KIF26B: variants seen among roughly 807,000 people sequenced by gnomAD.
The protein encoded by KIF26B is kinesin-like protein KIF26B.
Under a neutral mutation model 151.2 loss-of-function variants are expected in KIF26B, and 63 were observed. The ratio of observed to expected loss-of-function variants is 0.42; its 90% confidence interval spans 0.34 to 0.51. The LOEUF (loss-of-function observed/expected upper bound fraction) is 0.51, where lower values mean the gene tolerates loss of function less well. Ranked by LOEUF, KIF26B falls within the 20% of genes least tolerant of loss-of-function variation. The pLI is 0.07. For synonymous variants in KIF26B, 1,357 were observed against 1,262.1 expected (o/e 1.08, Z -1.59); for missense variants, 2,813 against 2,913.6 (o/e 0.97, Z 0.79).
At chr1:245,275,162 C>G (rs931825407) in intron 2 of KIF26B, among the ~76,000 whole-genome samples, 6 of 152,120 alleles carry the variant, frequency 3.9e-5, no homozygotes, top group Non-Finnish European at 7.4e-5. Context: ...CCTTTGCCCA[C>G]TTTTTGATGG....
At chr1:245,632,259 G>T (rs2043788828) in intron 9 of KIF26B, among the ~76,000 whole-genome samples, 1 of 152,110 alleles carries the variant, frequency 6.6e-6, no homozygotes, top group Non-Finnish European at 1.5e-5. Context: ...TAAGAAAAAA[G>T]ATTTTATTTC....
intron 2 of KIF26B, among the ~76,000 whole-genome samples, chr1:245,309,410 G>A (rs1444044444): frequency 6.6e-6 from 1 of 152,018 alleles, no homozygotes. Context: ...CTGACTGCTC[G>A]ATCTGGGACA....
At chr1:245,245,783 C>T (rs978551267) in intron 2 of KIF26B, among the ~76,000 whole-genome samples, 121 of 152,128 alleles carry the variant, frequency 8.0e-4, no homozygotes, top group African/African-American at 2.6e-3. Context: ...ACAAAAAAGC[C>T]GGGCGTGGTG....
intron 5 of KIF26B, among the ~76,000 whole-genome samples, chr1:245,570,586 C>G (rs1159494907): frequency 1.3e-5 from 2 of 152,204 alleles, no homozygotes; most frequent in African/African-American, 4.8e-5. Context: ...GGGTTGTGGG[C>G]ACAGAGGCAG....
chr1:245,269,712 C>A (rs986908813), intron 2 of KIF26B, among the ~76,000 whole-genome samples: 1 of 152,136 alleles, frequency 6.6e-6, no homozygotes, highest in Non-Finnish European at 1.5e-5. Context: ...ATCCATCCAC[C>A]TTGGCCTCCC....
intron 4 of KIF26B, among the ~76,000 whole-genome samples, chr1:245,513,833 C>T (rs1558194599): frequency 6.6e-6 from 1 of 152,314 alleles, no homozygotes; most frequent in East Asian, 1.9e-4. Context: ...TTTGTCTGAG[C>T]TAATTGGCCT....
chr1:245,647,298 A>C (rs1339251271), intron 10 of KIF26B, among the ~76,000 whole-genome samples: 1 of 151,442 alleles, frequency 6.6e-6, no homozygotes, highest in Non-Finnish European at 1.5e-5. Flanking sequence ...GGTGGTGGGC[A>C]CCTGTAGTCC....
At chr1:245,579,852 G>GA (rs113159653) in intron 5 of KIF26B, among the ~76,000 whole-genome samples, 625 of 106,726 alleles carry the variant, frequency 5.9e-3, no homozygotes, top group South Asian at 0.018. Context: ...TCATCTCAAA[G>GA]AAAAAAAAAA....
Position 245,688,359 on chromosome 1 carries a change from C to A in KIF26B, c.5376C>A (p.Ser1792Arg). The A allele has an allele frequency of 6.4e-7, 1 of 1,564,380 alleles. No homozygotes were observed. Among genetic ancestry groups the A allele is most frequent in the South Asian group, 1.2e-5 (1 of 86,204 alleles). ...WSTQSLSRNR[S>R]SGLASKLPLR... ...CGCAGTCCCTCAGCAGGAACAGGAG[C>A]TCGGGCCTGGCCTCCAAGCTTCCCC... The change falls in exon 12 of 15, where the codon AGC (serine) becomes AGA (arginine). Residue 1792 changes from serine to arginine, a missense_variant. Physicochemically the swap from Ser to Arg is moderately radical, Grantham distance 110. This residue lies in a region of KIF26B where 2,060 missense variants were observed against 2,088.6 expected (regional missense o/e 0.99). Coordinates refer to ENST00000407071, the MANE Select transcript of KIF26B (RefSeq NM_018012.4).
intron 5 of KIF26B, among the ~76,000 whole-genome samples, chr1:245,592,369 A>T (rs549220846): frequency 7.9e-5 from 12 of 152,352 alleles, no homozygotes; most frequent in Admixed American, 4.6e-4. Flanking sequence ...GTCCAGGGCC[A>T]GGGCCCTTCC....
chr1:245,680,305 C>T (rs959834905), intron 10 of KIF26B, among the ~76,000 whole-genome samples: 3 of 152,106 alleles, frequency 2.0e-5, no homozygotes, highest in Non-Finnish European at 2.9e-5. Context: ...TTTTAGAGTC[C>T]GCAGAGGCCC....
At chr1:245,470,606 A>G (rs942932109) in intron 4 of KIF26B, among the ~76,000 whole-genome samples, 3 of 150,670 alleles carry the variant, frequency 2.0e-5, no homozygotes, top group South Asian at 2.1e-4. Context: ...AATTTTTTGT[A>G]TTTTTAGTAG....
At chr1:245,577,957 G>C (rs569977286) in intron 5 of KIF26B, among the ~76,000 whole-genome samples, 1 of 150,816 alleles carries the variant, frequency 6.6e-6, no homozygotes, top group East Asian at 2.0e-4. Flanking sequence ...TCCCCTCACC[G>C]GAAGAGCCTT....
In KIF26B at chr1:245,684,218, C is replaced by T. The variant is rs758077563; in HGVS notation, c.2259-15C>T. 1 of 1,609,122 alleles carries T rather than the reference C, an allele frequency of 6.2e-7. No homozygotes were observed. The highest frequency in any genetic ancestry group is 1.7e-5 in the Admixed American group (1 of 59,914). ...GCATGGCCGCTAATGCAGCCTAATTCACTTTGTTTGGCAGAGAGAGCAAGC... is the reference window on the plus strand; with the variant it reads ...GCATGGCCGCTAATGCAGCCTAATTTACTTTGTTTGGCAGAGAGAGCAAGC... On this transcript the variant is annotated splice_polypyrimidine_tract_variant and intron_variant, in intron 10 of 14. Coordinates refer to ENST00000407071, the MANE Select transcript of KIF26B (RefSeq NM_018012.4).
chr1:245,173,865 C>T lies in KIF26B; in HGVS notation c.465+17182C>T, dbSNP rs541057256. ...TCCCTCTGCATTTGCCGTGGTACGA[C>T]GTGTGACACGGGCCAGACCCACGCT... On this transcript the variant is annotated intron_variant, in intron 2 of 14. Coordinates refer to ENST00000407071, the MANE Select transcript of KIF26B (RefSeq NM_018012.4). Among the ~76,000 whole-genome samples the T allele has an allele frequency of 3.2e-3, 485 of 152,344 alleles. 2 individuals carry two copies. Among genetic ancestry groups the T allele is most frequent in the Non-Finnish European group, 5.8e-3 (394 of 68,040 alleles).
intron 2 of KIF26B, among the ~76,000 whole-genome samples, chr1:245,237,771 C>T (rs1047342122): frequency 4.6e-5 from 7 of 152,156 alleles, no homozygotes; most frequent in Non-Finnish European, 1.0e-4. Flanking sequence ...CCTGTAATCC[C>T]AGCACTTTGG....
intron 10 of KIF26B, among the ~76,000 whole-genome samples, chr1:245,683,337 C>A (rs906434478): frequency 6.6e-6 from 1 of 152,082 alleles, no homozygotes; most frequent in Non-Finnish European, 1.5e-5. Context: ...GATCAGGGAA[C>A]GTGCCAGAGA....
At chr1:245,613,033 T>G (rs527678820) in intron 9 of KIF26B, among the ~76,000 whole-genome samples, 1 of 152,246 alleles carries the variant, frequency 6.6e-6, no homozygotes, top group South Asian at 2.1e-4. Flanking sequence ...GTCTGTTGAT[T>G]TCACTGGGTT....
chr1:245,570,294 G>C (rs916339980), intron 5 of KIF26B, among the ~76,000 whole-genome samples: 1 of 152,052 alleles, frequency 6.6e-6, no homozygotes, highest in Non-Finnish European at 1.5e-5. Flanking sequence ...TCAGGTTAAT[G>C]ATGCCACTCA....
Sources: allele counts gnomAD v4.1 joint callset (sites outside exome capture counted in the v4.1 genomes callset), GRCh38; gene constraint gnomAD v4.1.1; regional missense constraint gnomAD v4.1.1; transcripts MANE v1.5; gene names NCBI Gene and HGNC (gene_info 2026-07-23, HGNC 2026-07-21).